The following OSBPL2 variants were observed in gnomAD, a reference collection of about 807,000 sequenced individuals.
OSBPL2 encodes the protein oxysterol binding protein like 2.
A neutral mutation model predicts 58.4 loss-of-function variants in OSBPL2; 18 were observed. The ratio of observed to expected loss-of-function variants is 0.31; its 90% CI spans 0.21 to 0.46. The LOEUF is 0.46. OSBPL2 is among the 20% of genes least tolerant of loss of function. The pLI is 1.00. For missense variants in OSBPL2, 461 were observed against 616.5 expected, an observed-to-expected ratio of 0.75 and a Z score of 2.67; for synonymous variants, 221 against 234.1, an observed-to-expected ratio of 0.94 and a Z score of 0.51.
At chr20:62,281,238 T>A in intron 8 of OSBPL2, 73 bp downstream of exon 8, 1 of 1,100,696 alleles carries the variant, frequency 9.1e-7, no homozygotes, top group South Asian at 1.3e-5. Flanking sequence ...AGCGTGAGCA[T>A]CCGTGCTCCT....
Position 62,288,045 on chromosome 20 carries a change from G to T in OSBPL2, c.1126-1162G>T, listed in dbSNP as rs1233626647. ...TCAGTCATGGGGTAGGGGTGGGGGT[G>T]TCTAGGGATTGCGTTTGGGCGGAGG... is the stretch of plus-strand genomic sequence containing the variant. On this transcript the variant is annotated intron_variant, in intron 11 of 13. Transcript: ENST00000313733. The surrounding 1 kb of genome is among the most constrained non-coding windows in gnomAD (Gnocchi z 4.8). Among the ~76,000 whole-genome samples the T allele has an allele frequency of 6.6e-6, 1 of 152,096 alleles. No individual in the cohort carries two copies. Among genetic ancestry groups the T allele is most frequent in the East Asian group, 1.9e-4 (1 of 5,190 alleles).
chr20:62,250,474 G>A (rs1980449947), intron 1 of OSBPL2, among the ~76,000 whole-genome samples: 1 of 152,298 alleles, frequency 6.6e-6, no homozygotes, highest in South Asian at 2.1e-4. Context: ...GGACCACACG[G>A]CACAAACACA....
At chr20:62,276,065 C>A (rs544746699) in intron 6 of OSBPL2, among the ~76,000 whole-genome samples, 1 of 152,070 alleles carries the variant, frequency 6.6e-6, no homozygotes, top group African/African-American at 2.4e-5. Context: ...TACAGGTGCA[C>A]GCCACCAGGC....
In OSBPL2 at chr20:62,275,192, G is replaced by T. The variant is rs537903033; in HGVS notation, c.491+1786G>T. Among the ~76,000 whole-genome samples, 16 of 152,184 alleles carry T rather than the reference G, an allele frequency of 1.1e-4. No individual in the cohort carries two copies. In the East Asian group the frequency reaches 2.9e-3, roughly 27 times the overall value. On this transcript the variant is annotated intron_variant, in intron 6 of 13. Transcript: ENST00000313733. ...CTAACCTGGACTACAGAGCCAGACC[G>T]TGTCTCTTTAAAAAAAATGAGAGGA...
At chr20:62,285,184 C>T (rs780083639) in intron 10 of OSBPL2, 7 of 152,234 alleles carry the variant, frequency 4.6e-5, no homozygotes, top group African/African-American at 2.4e-5. Context: ...TGCTGTTAGA[C>T]ACCTTTTCTA....
chr20:62,291,758 G>T lies in OSBPL2; in HGVS notation c.1305G>T (p.Arg435Ser). ...RLEEKQREAR[R>S]ERAKEEAEWQ... ...AGGAGAAGCAGAGAGAAGCACGGAG[G>T]GAGCGGGCCAAGGAGGAGGCAGAGT... is the stretch of plus-strand genomic sequence containing the variant. Residue 435 changes from arginine (R) to serine (S), a missense_variant, in exon 13 of 14, where the codon AGG (arginine) becomes AGT (serine). Arg to Ser is a moderately radical substitution (Grantham distance 110). Transcript: ENST00000313733. The T allele has an allele frequency of 6.2e-7, 1 of 1,613,424 alleles. No homozygotes were observed.
At chr20:62,287,093 T>G (rs1983184927) in intron 11 of OSBPL2, among the ~76,000 whole-genome samples, 1 of 152,270 alleles carries the variant, frequency 6.6e-6, no homozygotes, top group African/African-American at 2.4e-5. Context: ...CAAAAGAGGC[T>G]TCCAAGCCTG....
At chr20:62,285,593 C>T (rs560200766) in intron 10 of OSBPL2, 17 of 152,376 alleles carry the variant, frequency 1.1e-4, no homozygotes, top group Admixed American at 7.8e-4. Flanking sequence ...GGCAAAGCTG[C>T]GCTATCTAGA....
At chr20:62,281,724 TAC>T (rs1372943997) in intron 8 of OSBPL2, 64 bp from the exon 9 acceptor site, 39 of 1,268,986 alleles carry the variant, frequency 3.1e-5, no homozygotes, top group South Asian at 3.0e-4. Flanking sequence ...CTTCTCCTGT[TAC>T]AGAGTTACCC....
chr20:62,290,668 C>T (rs1374649892), intron 12 of OSBPL2, among the ~76,000 whole-genome samples: 1 of 151,748 alleles, frequency 6.6e-6, no homozygotes, highest in Non-Finnish European at 1.5e-5. Flanking sequence ...GATCCGCCCG[C>T]CTCAGCCTCC....
chr20:62,289,339 A>G lies in OSBPL2; in HGVS notation c.1249+9A>G, dbSNP rs1983341557. On this transcript the variant is annotated intron_variant, in intron 12 of 13. Transcript: ENST00000313733. ...GGAGAATGGCAACATGGGTGCGTCC[A>G]CGCAGTCAGAGGAGGAAGCTTGGGG... 2 of 1,611,118 alleles carry G rather than the reference A, an allele frequency of 1.2e-6. No homozygotes were observed. The highest frequency in any genetic ancestry group is 2.2e-5 in the East Asian group (1 of 44,826).
intron 1 of OSBPL2, among the ~76,000 whole-genome samples, chr20:62,255,645 A>G (rs1980873934): frequency 6.6e-6 from 1 of 152,154 alleles, no homozygotes; most frequent in Admixed American, 6.5e-5. Flanking sequence ...CTGGGACTAT[A>G]GGCGTGCGCC....
intron 4 of OSBPL2, among the ~76,000 whole-genome samples, chr20:62,268,490 T>C (rs55966486): frequency 0.46 from 69,216 of 151,986 alleles, 15,877 homozygotes; most frequent in African/African-American, 0.5. Context: ...TACATGTATC[T>C]TCTCCCCACT....
Position 62,260,109 on chromosome 20 carries a change from G to A in OSBPL2, c.166G>A (p.Gly56Arg), listed in dbSNP as rs375520271. The A allele has an allele frequency of 6.2e-6, 10 of 1,613,700 alleles. No homozygotes were observed. Among genetic ancestry groups the A allele is most frequent in the East Asian group, 2.2e-5 (1 of 44,848 alleles). Residue 56 changes from glycine to arginine, a missense_variant, in exon 3 of 14, where the codon GGA becomes AGA. Gly to Arg is a moderately radical substitution (Grantham distance 125). Coordinates refer to ENST00000313733, the MANE Select transcript of OSBPL2 (RefSeq NM_144498.4). ...KTGERPSQEN[G>R]IQKHRTSLPA... is the part of the protein sequence containing the mutation. ...TGGGGAGAGGCCCTCTCAAGAGAAC[G>A]GAATTCAGAAACACAGGTATGTTCT...
chr20:62,266,651 C>T (rs1228865910), intron 4 of OSBPL2, among the ~76,000 whole-genome samples: 2 of 152,162 alleles, frequency 1.3e-5, no homozygotes, highest in Non-Finnish European at 2.9e-5. Flanking sequence ...GTGGCTCTTT[C>T]TGTTTGGTCC....
chr20:62,255,657 C>A (rs1302559768), intron 1 of OSBPL2, among the ~76,000 whole-genome samples: 2 of 152,170 alleles, frequency 1.3e-5, no homozygotes. Flanking sequence ...GCGTGCGCCA[C>A]CACGCCTGTA....
chr20:62,286,386 G>C, intron 10 of OSBPL2, 197 bp from the exon 11 acceptor site: 1 of 549,414 alleles, frequency 1.8e-6, no homozygotes, highest in South Asian at 2.1e-5. Context: ...GGAGGCAGAG[G>C]TTGCAGTGAC....
intron 1 of OSBPL2, among the ~76,000 whole-genome samples, chr20:62,255,558 C>T (rs1266920354): frequency 6.6e-6 from 1 of 152,268 alleles, no homozygotes; most frequent in Non-Finnish European, 1.5e-5. Context: ...GGCTGAAGTG[C>T]CGTGGCACGA....
chr20:62,250,496 G>A (rs1190555559), intron 1 of OSBPL2, among the ~76,000 whole-genome samples: 1 of 152,224 alleles, frequency 6.6e-6, no homozygotes, highest in Non-Finnish European at 1.5e-5. Flanking sequence ...AGTAGCAGGC[G>A]ACATCGGTGT....
Sources: allele counts gnomAD v4.1 joint callset (sites outside exome capture counted in the v4.1 genomes callset), GRCh38; gene constraint gnomAD v4.1.1; non-coding constraint Gnocchi (gnomAD v3.1); transcripts MANE v1.5; gene names NCBI Gene and HGNC (gene_info 2026-07-23, HGNC 2026-07-21).